PRMT3: variants seen among roughly 807,000 people sequenced by gnomAD.
The protein encoded by PRMT3 is protein arginine N-methyltransferase 3.
In PRMT3, 62 loss-of-function variants were observed where a neutral mutation model predicts 71.9. The ratio of observed to expected loss-of-function variants is 0.86; its 90% CI spans 0.70 to 1.07. PRMT3 has a LOEUF of 1.07. Ranked by LOEUF, PRMT3 falls within the 50% of genes least tolerant of loss-of-function variation. The pLI, the probability that PRMT3 is intolerant of heterozygous loss-of-function variation, is 0.00. For synonymous variants in PRMT3, 213 were observed against 220.4 expected (o/e 0.97, Z 0.30); for missense variants, 663 against 643.0 (o/e 1.03, Z -0.34).
intron 15 of PRMT3, among the ~76,000 whole-genome samples, chr11:20,497,856 G>A (rs1474362426): frequency 6.6e-6 from 1 of 152,138 alleles, no homozygotes; most frequent in Non-Finnish European, 1.5e-5. Flanking sequence ...AAAGAACTAA[G>A]CTGCAAGTAA....
At chr11:20,430,893 G>A (rs1303472376) in intron 10 of PRMT3, among the ~76,000 whole-genome samples, 1 of 152,106 alleles carries the variant, frequency 6.6e-6, no homozygotes, top group Non-Finnish European at 1.5e-5. Flanking sequence ...TAATACCTAT[G>A]TCTTTGTGTA....
chr11:20,391,394 C>T (rs527545293), intron 3 of PRMT3, among the ~76,000 whole-genome samples: 1 of 152,054 alleles, frequency 6.6e-6, no homozygotes, highest in African/African-American at 2.4e-5. Flanking sequence ...TATAGGCATG[C>T]GCCACCACAC....
At chr11:20,401,608 G>A (rs1848950929) in intron 7 of PRMT3, among the ~76,000 whole-genome samples, 1 of 151,764 alleles carries the variant, frequency 6.6e-6, no homozygotes, top group Non-Finnish European at 1.5e-5. Context: ...TTTTGATATT[G>A]TAGCAATTGG....
At chr11:20,439,492 T>C (rs1315386403) in intron 10 of PRMT3, among the ~76,000 whole-genome samples, 2 of 152,206 alleles carry the variant, frequency 1.3e-5, no homozygotes, top group South Asian at 2.1e-4. Context: ...GTATATTTCA[T>C]TGTTCTTGCT....
rs185730013 is a variant in PRMT3, at chr11:20,409,459, G to A, written c.893+1427G>A. On this transcript the variant is annotated intron_variant, in intron 9 of 15. Transcript: ENST00000331079. Reference sequence around the variant, plus strand: ...CCCAGCACATAGTAAATATTTTGAGGTGCATAAGTTCTAAGTAAGATATAC... The same window carrying A: ...CCCAGCACATAGTAAATATTTTGAGATGCATAAGTTCTAAGTAAGATATAC... Among the ~76,000 whole-genome samples, 152 of 152,212 alleles carry A rather than the reference G, an allele frequency of 1.0e-3. 1 individual carries two copies. The highest frequency in any genetic ancestry group is 1.4e-3 in the Non-Finnish European group (96 of 68,006).
At chr11:20,448,161 T>C (rs1850072215) in intron 10 of PRMT3, among the ~76,000 whole-genome samples, 2 of 152,038 alleles carry the variant, frequency 1.3e-5, no homozygotes, top group Non-Finnish European at 2.9e-5. Context: ...TTTTTTCTTC[T>C]ATTTAAAGTA....
chr11:20,488,365 T>C (rs890067772), intron 13 of PRMT3, among the ~76,000 whole-genome samples: 28 of 152,218 alleles, frequency 1.8e-4, no homozygotes, highest in Admixed American at 1.3e-3. Context: ...TTTTATGGCA[T>C]TGTCTGCTTA....
chr11:20,474,245 TGTCCAGACCATCTGGACTCTCCAGA>T (rs1432249978), intron 13 of PRMT3, among the ~76,000 whole-genome samples: 2 of 152,196 alleles, frequency 1.3e-5, no homozygotes, highest in East Asian at 3.9e-4. Context: ...GACCATTCCT[TGTCCAGACCATCTGGACTCTCCAGA>T]GCTGGCAGGC....
intron 15 of PRMT3, among the ~76,000 whole-genome samples, chr11:20,495,254 G>A (rs560982249): frequency 1.3e-5 from 2 of 152,216 alleles, no homozygotes; most frequent in Admixed American, 6.5e-5. Flanking sequence ...GACCTCAGAC[G>A]ATCTGCCCAT....
rs570025590 is a variant in PRMT3 at position 20,439,421 on chromosome 11, G to A, written c.993+12556G>A. ...ATCCTGAGTTTTTGTGCTCACCAGC[G>A]TTTCTGTTACTCCACTGATGTCTCC... On this transcript the variant is annotated intron_variant, in intron 10 of 15. Transcript: ENST00000331079. 1.6e-4 allele frequency among the ~76,000 whole-genome samples: 25 copies of A among 152,216 alleles called. No individual in the cohort carries two copies. The South Asian group carries it at 2.7e-3, about 16-fold the overall frequency.
rs140369087 is a variant in PRMT3 at position 20,486,494 on chromosome 11, A to G, written c.1348-7425A>G. 7.2e-5 allele frequency among the ~76,000 whole-genome samples: 11 copies of G among 152,244 alleles called. No homozygotes were observed. In the East Asian group the frequency reaches 2.1e-3, roughly 29 times the overall value. The stretch of plus-strand genomic sequence containing the variant: ...TAATTGGTAAATCTTCAAACTGAAT[A>G]CAGCTGTGAAACCCACACCCAGATG... On this transcript the variant is annotated intron_variant, in intron 13 of 15. Transcript: ENST00000331079.
chr11:20,507,678 C>G (rs1485804729), intron 15 of PRMT3, among the ~76,000 whole-genome samples: 1 of 152,026 alleles, frequency 6.6e-6, no homozygotes, highest in East Asian at 1.9e-4. Flanking sequence ...ACTTGGGAGG[C>G]TGAGGCAGGA....
chr11:20,454,514 A>G (rs959602064), intron 11 of PRMT3, among the ~76,000 whole-genome samples: 1 of 152,194 alleles, frequency 6.6e-6, no homozygotes, highest in Admixed American at 6.5e-5. Flanking sequence ...TATTTAAGAG[A>G]GGTCAGCATT....
intron 11 of PRMT3, among the ~76,000 whole-genome samples, chr11:20,458,692 C>A (rs999115960): frequency 3.3e-5 from 5 of 152,102 alleles, no homozygotes; most frequent in Non-Finnish European, 5.9e-5. Flanking sequence ...ATTACATATC[C>A]TTATGCATAT....
At chr11:20,414,044 G>A (rs1849250284) in intron 9 of PRMT3, among the ~76,000 whole-genome samples, 1 of 152,030 alleles carries the variant, frequency 6.6e-6, no homozygotes, top group African/African-American at 2.4e-5. Context: ...TCAAACACGT[G>A]CAACTTAACA....
intron 15 of PRMT3, among the ~76,000 whole-genome samples, chr11:20,498,454 C>T (rs1043812853): frequency 2.6e-5 from 4 of 152,102 alleles, no homozygotes; most frequent in South Asian, 2.1e-4. Flanking sequence ...ACTGGCCGGG[C>T]GTGATTGCTC....
chr11:20,432,226 A>G (rs1250611330), intron 10 of PRMT3, among the ~76,000 whole-genome samples: 4 of 152,120 alleles, frequency 2.6e-5, no homozygotes, highest in Non-Finnish European at 5.9e-5. Context: ...TTTTCAGGTA[A>G]TCCCTCAGAG....
intron 10 of PRMT3, among the ~76,000 whole-genome samples, chr11:20,436,199 A>T (rs919346489): frequency 6.6e-5 from 10 of 152,166 alleles, no homozygotes; most frequent in Non-Finnish European, 1.2e-4. Context: ...TGTCAGCTCT[A>T]AGAGGTTTTT....
chr11:20,425,838 C>T (rs1209570739), intron 9 of PRMT3, among the ~76,000 whole-genome samples: 1 of 152,012 alleles, frequency 6.6e-6, no homozygotes, highest in Non-Finnish European at 1.5e-5. Context: ...ATCTGTTTTT[C>T]GGAATTTAAC....
Sources: gnomAD v4.1 joint callset for allele counts (sites outside exome capture counted in the v4.1 genomes callset) on GRCh38, gnomAD v4.1.1 for gene constraint, MANE v1.5 for transcripts, NCBI Gene and HGNC (gene_info 2026-07-23, HGNC 2026-07-21) for gene names.